The following DEPDC1B variants were observed in gnomAD, a reference collection of about 807,000 sequenced individuals.
The protein encoded by DEPDC1B is DEP domain containing 1B, also known as DEP domain-containing protein 1B.
A neutral mutation model predicts 66.5 loss-of-function variants in DEPDC1B; 51 were observed. The observed-to-expected ratio is 0.77, with a 90% CI of 0.61 to 0.97. The LOEUF is 0.97. DEPDC1B is among the 50% of genes least tolerant of loss of function. The probability of loss-of-function intolerance (pLI) is 0.00; values close to 1 mark genes in which losing one functional copy is unlikely to be tolerated. For synonymous variants in DEPDC1B, 226 were observed against 223.6 expected, an observed-to-expected ratio of 1.01 and a Z score of -0.10; for missense variants, 552 against 637.1, an observed-to-expected ratio of 0.87 and a Z score of 1.44.
At chr5:60,695,205 T>TAATTTATAAAG (rs751291819) in intron 1 of DEPDC1B, among the ~76,000 whole-genome samples, 23 of 152,088 alleles carry the variant, frequency 1.5e-4, no homozygotes, top group Non-Finnish European at 2.9e-4. Context: ...TGACACTGGG[T>TAATTTATAAAG]AATTTATAAA....
chr5:60,640,479 C>T (rs1160777920), intron 6 of DEPDC1B, among the ~76,000 whole-genome samples: 1 of 152,132 alleles, frequency 6.6e-6, no homozygotes, highest in African/African-American at 2.4e-5. Context: ...TCATCTTGAA[C>T]TTTAATAATA....
chr5:60,629,725 G>GC (rs1460080860), intron 7 of DEPDC1B, among the ~76,000 whole-genome samples: 1 of 152,052 alleles, frequency 6.6e-6, no homozygotes, highest in Non-Finnish European at 1.5e-5. Context: ...TTGTGTTGTT[G>GC]TTTTTCCTAC....
In DEPDC1B at chr5:60,599,274, A is replaced by AT; in HGVS notation, c.1243-15dup. 1 of 1,567,248 alleles carries AT rather than the reference A, an allele frequency of 6.4e-7. No homozygotes were observed. Among genetic ancestry groups the AT allele is most frequent in the Non-Finnish European group, 8.6e-7 (1 of 1,160,912 alleles). ...TGGGTATTTTATCTGAGGCAAAAGG[A>AT]TTAGTAGTGAAAGAATATAGCATAT... On this transcript the variant is annotated splice_polypyrimidine_tract_variant and intron_variant, in intron 9 of 10. Coordinates refer to ENST00000265036, the MANE Select transcript of DEPDC1B (RefSeq NM_018369.3).
At chr5:60,649,619 A>C (rs1753396559) in intron 2 of DEPDC1B, among the ~76,000 whole-genome samples, 1 of 152,202 alleles carries the variant, frequency 6.6e-6, no homozygotes, top group South Asian at 2.1e-4. Context: ...TTTTTCACTC[A>C]GAGAAATTAA....
chr5:60,598,685 T>C (rs1023060046), intron 10 of DEPDC1B, among the ~76,000 whole-genome samples: 8 of 152,208 alleles, frequency 5.3e-5, no homozygotes, highest in Non-Finnish European at 8.8e-5. Context: ...GCTTTTAAAC[T>C]CTAAACATTT....
chr5:60,659,656 C>T (rs887734627), intron 2 of DEPDC1B, among the ~76,000 whole-genome samples: 1 of 152,204 alleles, frequency 6.6e-6, no homozygotes, highest in African/African-American at 2.4e-5. Context: ...CCCATGTATG[C>T]GCCCCACCTT....
At chr5:60,689,814 G>A (rs1365777247) in intron 1 of DEPDC1B, among the ~76,000 whole-genome samples, 1 of 152,124 alleles carries the variant, frequency 6.6e-6, no homozygotes, top group Non-Finnish European at 1.5e-5. Context: ...GGATGAGGTG[G>A]GCAGGTCACT....
chr5:60,619,435 G>A (rs1252148303), intron 7 of DEPDC1B, among the ~76,000 whole-genome samples: 2 of 152,180 alleles, frequency 1.3e-5, no homozygotes, highest in Non-Finnish European at 2.9e-5. Context: ...AGCAACTTCA[G>A]CAAAGTCTCA....
At chr5:60,698,666 A>AT (rs1054677832) in intron 1 of DEPDC1B, among the ~76,000 whole-genome samples, 7 of 109,408 alleles carry the variant, frequency 6.4e-5, no homozygotes, top group Non-Finnish European at 1.0e-4. Flanking sequence ...CAATCTCCTT[A>AT]TTATTTTTTT....
intron 7 of DEPDC1B, among the ~76,000 whole-genome samples, chr5:60,637,565 G>T (rs953119624): frequency 2.0e-5 from 3 of 152,164 alleles, no homozygotes; most frequent in African/African-American, 7.2e-5. Context: ...TACAGTTGCT[G>T]TAATAGGAAT....
chr5:60,603,421 C>T lies in DEPDC1B; in HGVS notation c.1212G>A (p.Glu404=). 1 of 1,603,840 alleles carries T rather than the reference C, an allele frequency of 6.2e-7. No homozygotes were observed. Among genetic ancestry groups the T allele is most frequent in the Non-Finnish European group, 8.5e-7 (1 of 1,176,718 alleles). The stretch of plus-strand genomic sequence containing the variant: ...CTCTTCGTAGATGAGCCACACGCTC[C>T]TCTATAGAGGTCTGCAAGGCCAAAG... ...KVPLALQTSI[E]ERVAHLRRVQ... The change falls in exon 9 of 11, where the codon GAG becomes GAA. Residue 404 remains glutamate (E), a synonymous_variant. Coordinates refer to ENST00000265036, the MANE Select transcript of DEPDC1B (RefSeq NM_018369.3).
At chr5:60,649,041 T>C (rs1041489833) in intron 2 of DEPDC1B, among the ~76,000 whole-genome samples, 6 of 152,148 alleles carry the variant, frequency 3.9e-5, no homozygotes, top group African/African-American at 1.4e-4. Flanking sequence ...CATTCAAAAC[T>C]AAACGCAATC....
chr5:60,647,734 T>C, intron 2 of DEPDC1B: 1 of 417,006 alleles, frequency 2.4e-6, no homozygotes, highest in Non-Finnish European at 4.0e-6. Flanking sequence ...ATACATATTT[T>C]TTATCAGATA....
intron 3 of DEPDC1B, among the ~76,000 whole-genome samples, chr5:60,646,102 T>C (rs2111882763): frequency 6.6e-6 from 1 of 152,322 alleles, no homozygotes; most frequent in East Asian, 1.9e-4. Flanking sequence ...CCCCAAATCT[T>C]AGCCATCTGC....
chr5:60,690,145 T>C (rs903208324), intron 1 of DEPDC1B, among the ~76,000 whole-genome samples: 5 of 152,218 alleles, frequency 3.3e-5, no homozygotes, highest in Admixed American at 2.0e-4. Flanking sequence ...AGAGAAAGCA[T>C]TTATAAGCAT....
At chr5:60,629,903 T>C (rs1752886373) in intron 7 of DEPDC1B, among the ~76,000 whole-genome samples, 1 of 152,210 alleles carries the variant, frequency 6.6e-6, no homozygotes, top group South Asian at 2.1e-4. Flanking sequence ...TTTGCTTTTG[T>C]TAGCAATGAT....
chr5:60,597,196 T>G lies in DEPDC1B; in HGVS notation c.*557A>C, dbSNP rs925185349. On this transcript the variant is annotated 3_prime_UTR_variant, in exon 11 of 11. Coordinates refer to ENST00000265036, the MANE Select transcript of DEPDC1B (RefSeq NM_018369.3). ...AGCTTTAGTAAAATCTGTCATAACA[T>G]CCAATAAATCTGCAATAAAAGACAT... 1.3e-5 allele frequency: 2 copies of G among 152,510 alleles called. No individual in the cohort carries two copies. Among genetic ancestry groups the G allele is most frequent in the Non-Finnish European group, 2.9e-5 (2 of 68,036 alleles). The allele number at this position is 152,510 out of a possible 1,614,324, so 9.4% of individuals were successfully genotyped here.
At chr5:60,659,698 C>G (rs1321333817) in intron 2 of DEPDC1B, among the ~76,000 whole-genome samples, 1 of 152,220 alleles carries the variant, frequency 6.6e-6, no homozygotes, top group African/African-American at 2.4e-5. Context: ...GGGTCCCAAC[C>G]ATGACTTTCT....
chr5:60,638,616 G>A, intron 7 of DEPDC1B, 134 bp downstream of exon 7: 1 of 884,180 alleles, frequency 1.1e-6, no homozygotes, highest in Non-Finnish European at 1.6e-6. Flanking sequence ...CAAGACTCTA[G>A]CTATGCCAAA....
Sources: allele counts gnomAD v4.1 joint callset (sites outside exome capture counted in the v4.1 genomes callset), GRCh38; gene constraint gnomAD v4.1.1; transcripts MANE v1.5; gene names NCBI Gene and HGNC (gene_info 2026-07-23, HGNC 2026-07-21).